Variants in CCDC91 observed in about 807,000 individuals in gnomAD.
The protein encoded by CCDC91 is coiled-coil domain containing 91.
CCDC91 carries 48 observed loss-of-function variants against 63.2 expected under a neutral mutation model. That is an observed-to-expected ratio of 0.76 (90% CI 0.60 to 0.97). The LOEUF (loss-of-function observed/expected upper bound fraction) is 0.97, where lower values mean the gene tolerates loss of function less well. Ranked by LOEUF, CCDC91 falls within the 50% of genes least tolerant of loss-of-function variation. The pLI is 0.00. For missense variants in CCDC91, 500 were observed against 494.6 expected, an observed-to-expected ratio of 1.01 and a Z score of -0.10; for synonymous variants, 167 against 165.8, an observed-to-expected ratio of 1.01 and a Z score of -0.06.
chr12:28,259,927 T>A (rs1946719353), intron 3 of CCDC91, among the ~76,000 whole-genome samples: 1 of 152,020 alleles, frequency 6.6e-6, no homozygotes, highest in South Asian at 2.1e-4. Flanking sequence ...AGACCTCATG[T>A]TTAATATTAA....
At chr12:28,288,658 A>G (rs1464267814) in intron 3 of CCDC91, among the ~76,000 whole-genome samples, 2 of 152,146 alleles carry the variant, frequency 1.3e-5, no homozygotes, top group Non-Finnish European at 2.9e-5. Context: ...TTCGTTGTAT[A>G]TCTGAAAGGT....
chr12:28,439,203 T>C (rs528043819), intron 8 of CCDC91, among the ~76,000 whole-genome samples: 15 of 152,172 alleles, frequency 9.9e-5, no homozygotes, highest in South Asian at 2.1e-4. Flanking sequence ...GTTTTATTCA[T>C]AGTAAGAAGC....
intron 3 of CCDC91, among the ~76,000 whole-genome samples, chr12:28,269,986 C>T (rs1443645407): frequency 6.6e-6 from 1 of 151,570 alleles, no homozygotes; most frequent in Non-Finnish European, 1.5e-5. Flanking sequence ...TAATTTTTTT[C>T]CTTATTAAAG....
chr12:28,338,895 C>T (rs967768397), intron 6 of CCDC91, among the ~76,000 whole-genome samples: 3 of 152,066 alleles, frequency 2.0e-5, no homozygotes, highest in Non-Finnish European at 2.9e-5. Context: ...AGCTGGAGTG[C>T]AATGGCGCAA....
At chr12:28,434,014 G>GA (rs1948767398) in intron 8 of CCDC91, among the ~76,000 whole-genome samples, 1 of 151,758 alleles carries the variant, frequency 6.6e-6, no homozygotes, top group Non-Finnish European at 1.5e-5. Context: ...TAGTGTAAAG[G>GA]AAAAAGATTG....
intron 7 of CCDC91, among the ~76,000 whole-genome samples, chr12:28,363,693 C>T (rs1483446937): frequency 1.5e-4 from 23 of 151,524 alleles, no homozygotes; most frequent in East Asian, 5.9e-4. Flanking sequence ...CTGGCTAACA[C>T]GGTGAAACCC....
chr12:28,397,955 T>A (rs1302832925), intron 8 of CCDC91, among the ~76,000 whole-genome samples: 1 of 152,064 alleles, frequency 6.6e-6, no homozygotes, highest in East Asian at 1.9e-4. Flanking sequence ...TCCCTTAGAG[T>A]TACAAGTACT....
chr12:28,232,921 C>T (rs896678658), intron 1 of CCDC91, among the ~76,000 whole-genome samples: 1 of 147,188 alleles, frequency 6.8e-6, no homozygotes, highest in African/African-American at 2.5e-5. Context: ...GCAGAGGTTG[C>T]AGTGAGCTGA....
chr12:28,522,677 T>G (rs981967801), intron 12 of CCDC91, among the ~76,000 whole-genome samples: 11 of 152,176 alleles, frequency 7.2e-5, no homozygotes, highest in African/African-American at 1.4e-4. Flanking sequence ...GGGTGTCAAT[T>G]TTAGATCTTT....
intron 6 of CCDC91, among the ~76,000 whole-genome samples, chr12:28,346,516 C>T (rs776641195): frequency 1.3e-5 from 2 of 152,082 alleles, no homozygotes; most frequent in African/African-American, 2.4e-5. Context: ...AAACTCTAAC[C>T]GTCCCTTCAG....
rs531129817 is a variant in CCDC91 at position 28,262,533 on chromosome 12, A to G, written c.109+3091A>G. On this transcript the variant is annotated intron_variant, in intron 3 of 12. Transcript: ENST00000536442. ...AATGTATTTCTTAAAGTGTCTGTATAGCCTGCAGTTCTGTCAATGGGTTGA... is the reference window on the plus strand; with the variant it reads ...AATGTATTTCTTAAAGTGTCTGTATGGCCTGCAGTTCTGTCAATGGGTTGA... 3.3e-5 allele frequency among the ~76,000 whole-genome samples: 5 copies of G among 152,126 alleles called. No individual in the cohort carries two copies. The South Asian group carries it at 1.0e-3, about 32-fold the overall frequency.
chr12:28,335,991 A>G (rs1297584321), intron 6 of CCDC91, among the ~76,000 whole-genome samples: 3 of 150,966 alleles, frequency 2.0e-5, no homozygotes, highest in Admixed American at 2.0e-4. Context: ...TAGCAGAGAT[A>G]TTTGCCATAG....
intron 8 of CCDC91, among the ~76,000 whole-genome samples, chr12:28,448,448 CACAA>C (rs765110742): frequency 1.3e-5 from 2 of 152,236 alleles, no homozygotes; most frequent in East Asian, 3.9e-4. Context: ...TTTGTTCTTA[CACAA>C]ACAAGCTCAA....
chr12:28,339,529 G>GA (rs371816945), intron 6 of CCDC91, among the ~76,000 whole-genome samples: 1,889 of 138,324 alleles, frequency 0.014, 34 homozygotes, highest in African/African-American at 0.043. Flanking sequence ...AAATATTTGG[G>GA]AAAAAAAAAA....
Position 28,352,961 on chromosome 12 carries a change from G to A in CCDC91, c.577-9477G>A, listed in dbSNP as rs78424560. ...TTCCCTCTGGTTGTGAAAGTCCTGC[G>A]TGTCATCTTCCAAGAGAAGAATGTT... On this transcript the variant is annotated intron_variant, in intron 6 of 12. Coordinates refer to ENST00000536442, the MANE Select transcript of CCDC91 (RefSeq NM_018318.5). Among the ~76,000 whole-genome samples the A allele has an allele frequency of 3.7e-3, 561 of 152,290 alleles. 7 individuals are homozygous for A. The highest frequency in any genetic ancestry group is 0.012 in the African/African-American group (504 of 41,554).
intron 7 of CCDC91, among the ~76,000 whole-genome samples, chr12:28,375,273 TATTATC>T (rs1406224110): frequency 6.6e-6 from 1 of 152,046 alleles, no homozygotes; most frequent in Non-Finnish European, 1.5e-5. Flanking sequence ...AAATATTAGG[TATTATC>T]ATTATCATTT....
chr12:28,485,497 G>A (rs1459097092), intron 12 of CCDC91, among the ~76,000 whole-genome samples: 2 of 151,826 alleles, frequency 1.3e-5, no homozygotes, highest in Non-Finnish European at 2.9e-5. Flanking sequence ...GTCAAATTTG[G>A]TATGATACAA....
At chr12:28,466,076 A>C (rs1004338096) in intron 11 of CCDC91, among the ~76,000 whole-genome samples, 1 of 152,196 alleles carries the variant, frequency 6.6e-6, no homozygotes, top group Non-Finnish European at 1.5e-5. Flanking sequence ...CAAAGAAAAA[A>C]AGAATTACTG....
chr12:28,447,154 A>C (rs945854868), intron 8 of CCDC91, among the ~76,000 whole-genome samples: 3 of 152,178 alleles, frequency 2.0e-5, no homozygotes, highest in Admixed American at 1.3e-4. Flanking sequence ...ACAATTTCAC[A>C]AAGATGCATG....
Sources: allele counts gnomAD v4.1 joint callset (sites outside exome capture counted in the v4.1 genomes callset), GRCh38; gene constraint gnomAD v4.1.1; transcripts MANE v1.5; gene names NCBI Gene and HGNC (gene_info 2026-07-23, HGNC 2026-07-21).